The following PACSIN1 variants were observed in gnomAD, a reference collection of about 807,000 sequenced individuals.
PACSIN1 encodes protein kinase C and casein kinase substrate in neurons protein 1.
A neutral mutation model predicts 59.5 loss-of-function variants in PACSIN1; 15 were observed. That is an observed-to-expected ratio of 0.25 (90% CI 0.17 to 0.39). PACSIN1 has a LOEUF of 0.39. Among genes scored for constraint, PACSIN1 ranks in the 10% least tolerant of loss-of-function variants. The pLI is 1.00. For synonymous variants in PACSIN1, 210 were observed against 220.6 expected, an observed-to-expected ratio of 0.95 and a Z score of 0.42; for missense variants, 420 against 580.2, an observed-to-expected ratio of 0.72 and a Z score of 2.84.
rs528391158 is a variant in PACSIN1, at chr6:34,469,434, G to C, written c.-64+3164G>C. 2.8e-3 allele frequency among the ~76,000 whole-genome samples: 429 copies of C among 152,048 alleles called. 4 individuals carry two copies. Among genetic ancestry groups the C allele is most frequent in the African/African-American group, 9.8e-3 (406 of 41,476 alleles). ...GCTGGGGACTTGGCGGGCAGGTCAG[G>C]GTCCCAGGAAGTAGCCGTGAGGATT... On this transcript the variant is annotated intron_variant, in intron 1 of 9. Coordinates refer to ENST00000244458, the MANE Select transcript of PACSIN1 (RefSeq NM_020804.5).
At chr6:34,470,324 G>A (rs1311942278) in intron 1 of PACSIN1, among the ~76,000 whole-genome samples, 2 of 151,222 alleles carry the variant, frequency 1.3e-5, no homozygotes, top group African/African-American at 4.9e-5. Context: ...GGGATTACAG[G>A]CGCCCACCAC....
Position 34,529,796 on chromosome 6 carries a change from T to G in PACSIN1, c.743T>G (p.Val248Gly), listed in dbSNP as rs1581988175. 6.2e-7 allele frequency: 1 copy of G among 1,613,662 alleles called. No individual in the cohort carries two copies. The highest frequency in any genetic ancestry group is 8.5e-7 in the Non-Finnish European group (1 of 1,179,876). The change falls in exon 6 of 10, where the codon GTG (valine) becomes GGG (glycine). Residue 248 changes from valine (V) to glycine (G), a missense_variant. Transcript: ENST00000244458. This position sits in a 1 kb window ranked among gnomAD's most constrained non-coding sequence, Gnocchi z 6.3. The part of the protein sequence containing the change: ...EEKRLVFLKE[V>G]LLDIKRHLNL... ...AAGCGGCTGGTCTTCCTCAAGGAGG[T>G]GCTGCTGGACATCAAACGGCACCTC...
chr6:34,505,275 C>T (rs1041961472), intron 1 of PACSIN1, among the ~76,000 whole-genome samples: 1 of 151,926 alleles, frequency 6.6e-6, no homozygotes, highest in East Asian at 1.9e-4. Flanking sequence ...TTTTCATTGT[C>T]TTTAGTTTTC....
At chr6:34,481,192 T>A (rs200267857) in intron 1 of PACSIN1, among the ~76,000 whole-genome samples, 1 of 151,938 alleles carries the variant, frequency 6.6e-6, no homozygotes, top group East Asian at 2.0e-4. Flanking sequence ...ACTACAGGCA[T>A]GCATCACCAT....
chr6:34,516,991 G>T lies in PACSIN1; in HGVS notation c.-63-9252G>T, dbSNP rs890221167. ...CCCCTCCTCACTGCCCTTGACCCCC[G>T]TGCAGGAGCTGGCAAGGGTGAGGAG... On this transcript the variant is annotated intron_variant, in intron 1 of 9. Coordinates refer to ENST00000244458, the MANE Select transcript of PACSIN1 (RefSeq NM_020804.5). The surrounding 1 kb of genome is among the most constrained non-coding windows in gnomAD (Gnocchi z 5.4). 2.6e-5 allele frequency among the ~76,000 whole-genome samples: 4 copies of T among 152,094 alleles called. No individual in the cohort carries two copies. Among genetic ancestry groups the T allele is most frequent in the Non-Finnish European group, 4.4e-5 (3 of 67,996 alleles).
At chr6:34,468,888 G>A (rs1766533035) in intron 1 of PACSIN1, among the ~76,000 whole-genome samples, 1 of 34,766 alleles carries the variant, frequency 2.9e-5, no homozygotes, top group Non-Finnish European at 5.5e-5. Flanking sequence ...CCCAGCTCTG[G>A]CTTGTGGAGT....
intron 2 of PACSIN1, 46 bp from the exon 3 acceptor site, chr6:34,527,286 G>C: frequency 1.4e-6 from 2 of 1,460,598 alleles, no homozygotes; most frequent in Non-Finnish European, 1.8e-6. Flanking sequence ...GCGGGGCTGG[G>C]GACGCTGGGA....
chr6:34,527,127 C>G (rs954381084), intron 2 of PACSIN1, among the ~76,000 whole-genome samples: 2 of 142,036 alleles, frequency 1.4e-5, no homozygotes, highest in Non-Finnish European at 3.0e-5. Context: ...GGGCCTGAGG[C>G]AGGGTGCTGG....
intron 1 of PACSIN1, among the ~76,000 whole-genome samples, chr6:34,470,569 G>C (rs1766557802): frequency 2.6e-5 from 4 of 152,048 alleles, no homozygotes; most frequent in South Asian, 4.1e-4. Flanking sequence ...AGGCTGGAGT[G>C]AGTGACACCA....
At position 34,534,472 on chromosome 6, in the gene PACSIN1, CCTCT is replaced by C. The variant is rs539473062; in HGVS notation, c.*1948_*1951del. On this transcript the variant is annotated 3_prime_UTR_variant, in exon 10 of 10. Coordinates refer to ENST00000244458, the MANE Select transcript of PACSIN1 (RefSeq NM_020804.5). ...AGTCCTCCCAGCTCCAGTGCAGAAGCCTCTCTCTCCAGCCTTTCCCCAGGCAGGA... is the reference window on the plus strand; with the variant it reads ...AGTCCTCCCAGCTCCAGTGCAGAAGCCTCTCCAGCCTTTCCCCAGGCAGGA... 1.2e-3 allele frequency: 183 copies of C among 153,024 alleles called. No homozygotes were observed. The highest frequency in any genetic ancestry group is 4.0e-3 in the African/African-American group (167 of 41,576). The allele number at this position is 153,024 out of a possible 1,614,324, so 9.5% of individuals were successfully genotyped here. A position where few individuals can be genotyped will look rare whatever the true frequency, so the allele number is the denominator to read the frequency against.
rs1203606808 is a variant in PACSIN1 at position 34,521,209 on chromosome 6, C to G, written c.-63-5034C>G. Among the ~76,000 whole-genome samples the G allele has an allele frequency of 6.6e-6, 1 of 151,996 alleles. No individual in the cohort carries two copies. Among genetic ancestry groups the G allele is most frequent in the Non-Finnish European group, 1.5e-5 (1 of 68,010 alleles). The stretch of plus-strand genomic sequence containing the variant: ...CTGTGGATGCCGTGTCCGGTGGTGA[C>G]GAGGGCTGTGAAGAATAATACGGAG... On this transcript the variant is annotated intron_variant, in intron 1 of 9. Coordinates refer to ENST00000244458, the MANE Select transcript of PACSIN1 (RefSeq NM_020804.5). The surrounding 1 kb of genome is among the most constrained non-coding windows in gnomAD (Gnocchi z 4.3).
Position 34,532,449 on chromosome 6 carries a change from G to A in PACSIN1, c.1254G>A (p.Glu418=). 3 of 1,575,422 alleles carry A rather than the reference G, an allele frequency of 1.9e-6. No individual in the cohort carries two copies. The highest frequency in any genetic ancestry group is 1.7e-6 in the Non-Finnish European group (2 of 1,160,050). Residue 418 remains glutamate, a synonymous_variant, in exon 10 of 10, where the codon GAG becomes GAA. Coordinates refer to ENST00000244458, the MANE Select transcript of PACSIN1 (RefSeq NM_020804.5). The surrounding 1 kb of genome is among the most constrained non-coding windows in gnomAD (Gnocchi z 5.2). The part of the protein sequence containing the change: ...AGDELTKLGE[E]DEQGWCRGRL... ...ACGAACTCACCAAGCTGGGCGAGGA[G>A]GATGAGCAGGGCTGGTGCCGTGGGC...
At position 34,525,971 on chromosome 6, in the gene PACSIN1, G is replaced by A. The variant is rs149534862; in HGVS notation, c.-63-272G>A. Among the ~76,000 whole-genome samples, 62 of 152,194 alleles carry A rather than the reference G, an allele frequency of 4.1e-4. 1 individual carries two copies. In the East Asian group the frequency reaches 8.9e-3, roughly 22 times the overall value. ...CCAGGAGAGAGAGCCAGCTCTGGGG[G>A]CTGGGGCTGGCTTCTGAACGGAGGT... On this transcript the variant is annotated intron_variant, in intron 1 of 9. Transcript: ENST00000244458. The surrounding 1 kb of genome is among the most constrained non-coding windows in gnomAD (Gnocchi z 4.9).
In PACSIN1 at chr6:34,514,316, A is replaced by C. The variant is rs1439768546; in HGVS notation, c.-63-11927A>C. ...CTAGCCCAGGAACCTTGGACTCTCC[A>C]ATTCTTTTACAGCTGTGGCCCTCAG... On this transcript the variant is annotated intron_variant, in intron 1 of 9. Transcript: ENST00000244458. This position sits in a 1 kb window ranked among gnomAD's most constrained non-coding sequence, Gnocchi z 4.4. Among the ~76,000 whole-genome samples the C allele has an allele frequency of 6.6e-6, 1 of 151,852 alleles. No homozygotes were observed. Among genetic ancestry groups the C allele is most frequent in the African/African-American group, 2.4e-5 (1 of 41,316 alleles).
At chr6:34,479,130 A>G (rs1581958313) in intron 1 of PACSIN1, among the ~76,000 whole-genome samples, 1 of 152,042 alleles carries the variant, frequency 6.6e-6, no homozygotes, top group Non-Finnish European at 1.5e-5. Context: ...ACTAGGCCCT[A>G]CCTCCCAACA....
rs757083317 is a variant in PACSIN1 at position 34,531,636 on chromosome 6, C to G, written c.1074C>G (p.Thr358=). 6.2e-7 allele frequency: 1 copy of G among 1,614,012 alleles called. No homozygotes were observed. The highest frequency in any genetic ancestry group is 1.1e-5 in the South Asian group (1 of 91,058). ...SSYDRGQPYA[T]EWSDDESGNP... ...ACGACAGAGGCCAGCCCTACGCCAC[C>G]GAGTGGTCAGACGACGAGAGTGGGA... The change falls in exon 9 of 10, where the codon ACC becomes ACG. Residue 358 remains threonine (T), a synonymous_variant. Coordinates refer to ENST00000244458, the MANE Select transcript of PACSIN1 (RefSeq NM_020804.5). The surrounding 1 kb of genome is among the most constrained non-coding windows in gnomAD (Gnocchi z 4.4).
intron 1 of PACSIN1, among the ~76,000 whole-genome samples, chr6:34,524,925 C>T (rs1378548704): frequency 3.9e-5 from 6 of 152,218 alleles, no homozygotes; most frequent in Non-Finnish European, 2.9e-5. Flanking sequence ...CTATGCATTA[C>T]GGGAGAGTTC....
chr6:34,517,421 C>T (rs560430817), intron 1 of PACSIN1, among the ~76,000 whole-genome samples: 1 of 152,290 alleles, frequency 6.6e-6, no homozygotes, highest in South Asian at 2.1e-4. Context: ...CCAAACCCTG[C>T]AATGGCTCCC....
rs1767642941 is a variant in PACSIN1, at chr6:34,533,658, C to G, written c.*1128C>G. On this transcript the variant is annotated 3_prime_UTR_variant, in exon 10 of 10. Transcript: ENST00000244458. ...CCGCACGGGTGCCTCCAGCCTGAGACATCAGGGGAGAGCCTGCAGCTGAGT... is the reference window on the plus strand; with the variant it reads ...CCGCACGGGTGCCTCCAGCCTGAGAGATCAGGGGAGAGCCTGCAGCTGAGT... 6.6e-6 allele frequency: 1 copy of G among 152,328 alleles called. No individual in the cohort carries two copies. Among genetic ancestry groups the G allele is most frequent in the South Asian group, 2.1e-4 (1 of 4,832 alleles). The allele number at this position is 152,328 out of a possible 1,614,324, so 9.4% of individuals were successfully genotyped here. A position where few individuals can be genotyped will look rare whatever the true frequency, so the allele number is the denominator to read the frequency against.
Sources: gnomAD v4.1 joint callset for allele counts (sites outside exome capture counted in the v4.1 genomes callset) on GRCh38, gnomAD v4.1.1 for gene constraint, Gnocchi (gnomAD v3.1) non-coding constraint, MANE v1.5 for transcripts, NCBI Gene and HGNC (gene_info 2026-07-23, HGNC 2026-07-21) for gene names.